The following PTPRS variants were observed in gnomAD, a reference collection of about 807,000 sequenced individuals.
PTPRS encodes the protein receptor-type tyrosine-protein phosphatase S.
Under a neutral mutation model 215.3 loss-of-function variants are expected in PTPRS, and 63 were observed. The ratio of observed to expected loss-of-function variants is 0.29; its 90% CI spans 0.24 to 0.36. The LOEUF is 0.36. Ranked by LOEUF, PTPRS falls within the 10% of genes least tolerant of loss-of-function variation. The probability of loss-of-function intolerance (pLI) is 1.00; values close to 1 mark genes in which losing one functional copy is unlikely to be tolerated. For synonymous variants in PTPRS, 1,404 were observed against 1,191.4 expected, an observed-to-expected ratio of 1.18 and a Z score of -3.68; for missense variants, 2,258 against 2,825.8, an observed-to-expected ratio of 0.80 and a Z score of 4.56.
Position 5,215,603 on chromosome 19 carries a change from G to A in PTPRS, c.4097-8C>T, listed in dbSNP as rs777052600. 5.0e-6 allele frequency: 8 copies of A among 1,593,628 alleles called. No individual in the cohort carries two copies. The South Asian group carries it at 9.0e-5, about 18-fold the overall frequency. On this transcript the variant is annotated splice_region_variant and splice_polypyrimidine_tract_variant and intron_variant, in intron 26 of 37. Coordinates refer to ENST00000262963, the MANE Select transcript of PTPRS (RefSeq NM_002850.4). ...GCGGGTGGCTAAGCATGCCTACAGG[G>A]TGGAGCAGACCCCGCCGGGGTTGGT...
At chr19:5,221,311 C>T in intron 19 of PTPRS, 58 bp from the exon 20 acceptor site, 2 of 1,557,194 alleles carry the variant, frequency 1.3e-6, no homozygotes, top group Non-Finnish European at 1.7e-6. Flanking sequence ...GGACTGAGCC[C>T]CAGCTCCAGG....
At chr19:5,332,910 A>T (rs1600146840) in intron 1 of PTPRS, among the ~76,000 whole-genome samples, 1 of 152,232 alleles carries the variant, frequency 6.6e-6, no homozygotes, top group East Asian at 1.9e-4. Flanking sequence ...GCACTTTGGG[A>T]GGCCAAGGCA....
intron 1 of PTPRS, among the ~76,000 whole-genome samples, chr19:5,300,388 G>A (rs1381562952): frequency 6.6e-6 from 1 of 152,130 alleles, no homozygotes; most frequent in Non-Finnish European, 1.5e-5. Flanking sequence ...AAAGTTCTGT[G>A]GCCAGCTCTC....
At position 5,321,150 on chromosome 19, in the gene PTPRS, A is replaced by G. The variant is rs368854658; in HGVS notation, c.-95+19514T>C. ...TAGCCAGGCATGGTGGTGTGCACCT[A>G]TAGTCCCAGCTGCTCAGGGGGCTGA... On this transcript the variant is annotated intron_variant, in intron 1 of 37. Coordinates refer to ENST00000262963, the MANE Select transcript of PTPRS (RefSeq NM_002850.4). Among the ~76,000 whole-genome samples the G allele has an allele frequency of 1.9e-4, 29 of 152,144 alleles. 1 individual carries two copies. In the East Asian group the frequency reaches 2.9e-3, roughly 15 times the overall value.
chr19:5,231,770 AG>A (rs2043037364), intron 13 of PTPRS, among the ~76,000 whole-genome samples, 155 bp from the exon 14 acceptor site: 1 of 119,742 alleles, frequency 8.4e-6, no homozygotes, highest in Non-Finnish European at 1.7e-5. Context: ...ACCCAAAAGA[AG>A]TGGGTGTCAA....
rs1166136201 is a variant in PTPRS at position 5,210,637 on chromosome 19, C to T, written c.5361+42G>A. 6.2e-7 allele frequency: 1 copy of T among 1,613,946 alleles called. No individual in the cohort carries two copies. The highest frequency in any genetic ancestry group is 8.5e-7 in the Non-Finnish European group (1 of 1,180,010). ...GCCGTGGTCAGCGCTGTCTGAGCCACAGTCTGGCCCTCGCCCTTCCCTGCT... is the reference window on the plus strand; with the variant it reads ...GCCGTGGTCAGCGCTGTCTGAGCCATAGTCTGGCCCTCGCCCTTCCCTGCT... On this transcript the variant is annotated intron_variant, in intron 34 of 37. Coordinates refer to ENST00000262963, the MANE Select transcript of PTPRS (RefSeq NM_002850.4). This position sits in a 1 kb window ranked among gnomAD's most constrained non-coding sequence, Gnocchi z 4.5.
chr19:5,256,013 C>G, intron 9 of PTPRS, 95 bp downstream of exon 9: 1 of 1,029,726 alleles, frequency 9.7e-7, no homozygotes, highest in Non-Finnish European at 1.4e-6. Context: ...AGCGTGTGTC[C>G]GTGTGGTGTC....
chr19:5,244,085 G>T lies in PTPRS; in HGVS notation c.1386C>A (p.Val462=). 6.2e-7 allele frequency: 1 copy of T among 1,610,514 alleles called. No homozygotes were observed. The highest frequency in any genetic ancestry group is 8.5e-7 in the Non-Finnish European group (1 of 1,179,748). The change falls in exon 11 of 38, where the codon GTC becomes GTA. Residue 462 remains valine, a synonymous_variant. Coordinates refer to ENST00000262963, the MANE Select transcript of PTPRS (RefSeq NM_002850.4). The surrounding 1 kb of genome is among the most constrained non-coding windows in gnomAD (Gnocchi z 7.2). ...EPNGLIRGYR[V]YYTMEPEHPV... ...GGTGCTCCGGTTCCATGGTGTAGTA[G>T]ACGCGGTAGCCGCGGATCAGGCCGT...
intron 1 of PTPRS, among the ~76,000 whole-genome samples, chr19:5,335,929 C>G (rs769888712): frequency 2.3e-4 from 35 of 151,780 alleles, no homozygotes; most frequent in Non-Finnish European, 4.3e-4. Context: ...GATTCCACGG[C>G]TAGCCCAGAA....
At position 5,273,505 on chromosome 19, in the gene PTPRS, C is replaced by T. The variant is rs1015763824; in HGVS notation, c.316G>A (p.Glu106Lys). The T allele has an allele frequency of 1.2e-6, 2 of 1,614,196 alleles. No individual in the cohort carries two copies. The highest frequency in any genetic ancestry group is 1.7e-6 in the Non-Finnish European group (2 of 1,180,036). ...CCAACCGAGTTCTGGGCCACACACT[C>T]GTACACGTTTTCATCCCGCGGTGTC... is the stretch of plus-strand genomic sequence containing the variant. Reference protein sequence around the residue: ...LRTPRDENVYECVAQNSVGEI... With the variant: ...LRTPRDENVYKCVAQNSVGEI... The change falls in exon 4 of 38, where the codon GAG becomes AAG. Residue 106 changes from glutamate to lysine, a missense_variant. By Grantham distance (56) the Glu-to-Lys change is moderately conservative. Transcript: ENST00000262963.
intron 7 of PTPRS, among the ~76,000 whole-genome samples, chr19:5,258,351 C>A (rs1473574960): frequency 6.6e-6 from 1 of 152,200 alleles, no homozygotes. Flanking sequence ...GATTCCCCAG[C>A]AAATTCTCCA....
intron 2 of PTPRS, among the ~76,000 whole-genome samples, chr19:5,276,079 C>CTGGA (rs1224047697): frequency 6.6e-6 from 1 of 152,246 alleles, no homozygotes; most frequent in Non-Finnish European, 1.5e-5. Context: ...CTTGCTTTGG[C>CTGGA]TGGACATGCA....
chr19:5,270,134 G>A (rs935613558), intron 4 of PTPRS, among the ~76,000 whole-genome samples: 4 of 152,146 alleles, frequency 2.6e-5, no homozygotes, highest in African/African-American at 9.7e-5. Flanking sequence ...AGAGCAGGGC[G>A]GGCCACGGTG....
intron 20 of PTPRS, among the ~76,000 whole-genome samples, chr19:5,220,743 A>G (rs1389214915): frequency 6.6e-6 from 1 of 152,138 alleles, no homozygotes. Flanking sequence ...AAATCCTTTC[A>G]GGGGCCCTAG....
intron 1 of PTPRS, among the ~76,000 whole-genome samples, chr19:5,289,761 A>C (rs887279): frequency 6.6e-6 from 1 of 152,138 alleles, no homozygotes; most frequent in South Asian, 2.1e-4. Flanking sequence ...TCTGCACTAC[A>C]AACAGCATGA....
At chr19:5,316,438 G>A (rs2147187763) in intron 1 of PTPRS, among the ~76,000 whole-genome samples, 2 of 152,142 alleles carry the variant, frequency 1.3e-5, no homozygotes, top group Admixed American at 1.3e-4. Flanking sequence ...TGTCACCGAG[G>A]CTGGAGTGTG....
intron 2 of PTPRS, among the ~76,000 whole-genome samples, chr19:5,281,317 C>G (rs553283822): frequency 2.9e-4 from 44 of 152,058 alleles, no homozygotes; most frequent in African/African-American, 1.0e-3. Context: ...AAAAATTAGC[C>G]CGGCATGGTG....
intron 14 of PTPRS, 115 bp downstream of exon 14, chr19:5,231,195 C>G (rs571386196): frequency 1.0e-4 from 119 of 1,179,132 alleles, no homozygotes; most frequent in Non-Finnish European, 1.3e-4. Flanking sequence ...TCCCGACTTC[C>G]TCCGAGTGAG....
chr19:5,282,626 A>C (rs973449682), intron 2 of PTPRS, among the ~76,000 whole-genome samples: 1 of 152,090 alleles, frequency 6.6e-6, no homozygotes, highest in Non-Finnish European at 1.5e-5. Context: ...AACATGGCAA[A>C]ACCCCATCTC....
Sources: gnomAD v4.1 joint callset for allele counts (sites outside exome capture counted in the v4.1 genomes callset) on GRCh38, gnomAD v4.1.1 for gene constraint, Gnocchi (gnomAD v3.1) non-coding constraint, MANE v1.5 for transcripts, NCBI Gene and HGNC (gene_info 2026-07-23, HGNC 2026-07-21) for gene names.